Variants in UIMC1 observed in about 807,000 individuals in gnomAD.
The protein encoded by UIMC1 is BRCA1-A complex subunit RAP80.
UIMC1 carries 42 observed loss-of-function variants against 84.9 expected under a neutral mutation model. The ratio of observed to expected loss-of-function variants is 0.49; its 90% CI spans 0.39 to 0.64. The LOEUF is 0.64. Ranked by LOEUF, UIMC1 falls within the 30% of genes least tolerant of loss-of-function variation. The pLI is 0.00. For missense variants in UIMC1, 825 were observed against 847.6 expected (o/e 0.97, Z 0.33); for synonymous variants, 281 against 293.0 (o/e 0.96, Z 0.42).
At chr5:177,015,272 A>G (rs1056319165) in intron 1 of UIMC1, among the ~76,000 whole-genome samples, 6 of 152,218 alleles carry the variant, frequency 3.9e-5, no homozygotes, top group Admixed American at 3.9e-4. Context: ...TAAGGAATTT[A>G]CCTAAGATCA....
chr5:176,951,827 A>C lies in UIMC1; in HGVS notation c.1340-250T>G, dbSNP rs552777394. 3.3e-5 allele frequency among the ~76,000 whole-genome samples: 5 copies of C among 152,340 alleles called. No homozygotes were observed. In the East Asian group the frequency reaches 9.6e-4, roughly 29 times the overall value. Reference sequence around the variant, plus strand: ...GTATACCATTTATATACTACCATTTATACCATGTAACCTCTACGATAATCA... The same window carrying C: ...GTATACCATTTATATACTACCATTTCTACCATGTAACCTCTACGATAATCA... On this transcript the variant is annotated intron_variant, in intron 8 of 14. Transcript: ENST00000511320.
At chr5:176,978,846 T>C (rs1171155397) in intron 2 of UIMC1, among the ~76,000 whole-genome samples, 2 of 152,150 alleles carry the variant, frequency 1.3e-5, no homozygotes, top group African/African-American at 2.4e-5. Flanking sequence ...AATTAAAGGA[T>C]AGTTCCTTAA....
chr5:176,978,376 A>C (rs1332785845), intron 2 of UIMC1, among the ~76,000 whole-genome samples: 1 of 152,194 alleles, frequency 6.6e-6, no homozygotes, highest in East Asian at 1.9e-4. Context: ...CTGTCTCAAA[A>C]AAAATAAAAT....
At chr5:177,008,275 C>A (rs574334293), upstream of UIMC1, among the ~76,000 whole-genome samples, 53 of 152,288 alleles carry the variant, frequency 3.5e-4, 1 homozygote, top group Admixed American at 6.5e-4. Context: ...TCCAACTGAT[C>A]CTCCAAAACC....
intron 1 of UIMC1, among the ~76,000 whole-genome samples, chr5:176,985,938 C>T (rs571817651): frequency 1.7e-3 from 252 of 152,240 alleles, no homozygotes; most frequent in Middle Eastern, 6.8e-3. Context: ...TTTCTCCTTT[C>T]GACAAGGAGC....
Position 176,927,212 on chromosome 5 carries a change from A to AG in UIMC1, c.1598-15824_1598-15823insC, listed in dbSNP as rs1420709288. ...ACACCATTTCTTTAAAAAAGAAAAA[A>AG]AAAAAAAAAAAAAGCACCAGTAGTG... On this transcript the variant is annotated intron_variant, in intron 10 of 14. Coordinates refer to ENST00000511320, the MANE Select transcript of UIMC1 (RefSeq NM_001199298.2). Among the ~76,000 whole-genome samples the AG allele has an allele frequency of 9.8e-3, 1,311 of 133,990 alleles. 6 individuals carry two copies. Among genetic ancestry groups the AG allele is most frequent in the South Asian group, 0.027 (112 of 4,172 alleles). The allele number at this position is 133,990 out of a possible 152,430, so 87.9% of individuals were successfully genotyped here.
chr5:176,945,194 G>C (rs1230618452), intron 9 of UIMC1, among the ~76,000 whole-genome samples: 1 of 152,182 alleles, frequency 6.6e-6, no homozygotes, highest in Non-Finnish European at 1.5e-5. Flanking sequence ...CTACAAGGTG[G>C]GGAAAGTCAA....
intron 3 of UIMC1, among the ~76,000 whole-genome samples, chr5:176,975,029 T>C (rs1465336532): frequency 6.6e-6 from 1 of 151,602 alleles, no homozygotes; most frequent in East Asian, 1.9e-4. Flanking sequence ...GGGGCATAGT[T>C]GGGAAGCTGA....
chr5:176,956,122 C>G, intron 7 of UIMC1, 87 bp from the exon 8 acceptor site: 1 of 1,207,770 alleles, frequency 8.3e-7, no homozygotes, highest in Non-Finnish European at 1.2e-6. Flanking sequence ...CTCACAAAGC[C>G]ACAGGTAATC....
intron 10 of UIMC1, among the ~76,000 whole-genome samples, chr5:176,924,036 G>A (rs569829145): frequency 2.0e-5 from 3 of 151,826 alleles, no homozygotes; most frequent in South Asian, 4.2e-4. Context: ...ACCACAATCT[G>A]GCCGGGCACG....
At chr5:176,956,212 T>C (rs1241795091) in intron 7 of UIMC1, among the ~76,000 whole-genome samples, 177 bp from the exon 8 acceptor site, 14 of 152,136 alleles carry the variant, frequency 9.2e-5, no homozygotes, top group African/African-American at 9.7e-5. Flanking sequence ...ACCAGAAATA[T>C]GGAAAATAAA....
At chr5:176,906,980 G>A in intron 13 of UIMC1, 134 bp downstream of exon 13, 2 of 787,160 alleles carry the variant, frequency 2.5e-6, no homozygotes, top group Non-Finnish European at 4.1e-6. Flanking sequence ...GACCTAGATT[G>A]AGTCTCAAAG....
At chr5:176,974,796 A>C (rs1769804044) in intron 3 of UIMC1, among the ~76,000 whole-genome samples, 1 of 151,970 alleles carries the variant, frequency 6.6e-6, no homozygotes, top group African/African-American at 2.4e-5. Flanking sequence ...CGGGTGACAG[A>C]GCACGATGCT....
chr5:176,911,112 GAAGAAAAGAAAAGAA>G (rs35830185), intron 11 of UIMC1, among the ~76,000 whole-genome samples, 184 bp downstream of exon 11: 7,456 of 116,694 alleles, frequency 0.064, 353 homozygotes, highest in Middle Eastern at 0.15. Flanking sequence ...GAGAGAGAGA[GAAGAAAAGAAAAGAA>G]AAGAAAAGAA....
intron 10 of UIMC1, among the ~76,000 whole-genome samples, chr5:176,916,296 C>G (rs1238941718): frequency 2.0e-5 from 3 of 152,180 alleles, no homozygotes; most frequent in Admixed American, 2.0e-4. Context: ...TAGAAGAGAA[C>G]AGGTATCACT....
intron 1 of UIMC1, among the ~76,000 whole-genome samples, chr5:176,991,698 C>T (rs571645861): frequency 6.6e-6 from 1 of 150,394 alleles, no homozygotes; most frequent in South Asian, 2.1e-4. Flanking sequence ...TTTGAGAGGC[C>T]GAGGCGGGCA....
intron 2 of UIMC1, among the ~76,000 whole-genome samples, chr5:176,979,067 A>T (rs1302159090): frequency 1.3e-5 from 2 of 152,194 alleles, no homozygotes. Flanking sequence ...TCAACTGAAC[A>T]ATTATAAAAA....
chr5:176,995,843 C>CAAA (rs34672103), intron 1 of UIMC1, among the ~76,000 whole-genome samples: 6 of 79,608 alleles, frequency 7.5e-5, no homozygotes, highest in Non-Finnish European at 1.2e-4. Context: ...AACTCCATCT[C>CAAA]AAAAAAAAAA....
chr5:177,001,065 C>T lies in UIMC1; in HGVS notation c.-9+5585G>A, dbSNP rs115848929. On this transcript the variant is annotated intron_variant, in intron 1 of 14. Coordinates refer to ENST00000511320, the MANE Select transcript of UIMC1 (RefSeq NM_001199298.2). ...GGTTGCCTGTGGTTATGGGATATTACTCAAGAAGTTTTTGCCCAGACCAAT... is the reference window on the plus strand; with the variant it reads ...GGTTGCCTGTGGTTATGGGATATTATTCAAGAAGTTTTTGCCCAGACCAAT... 2.6e-3 allele frequency among the ~76,000 whole-genome samples: 402 copies of T among 152,260 alleles called. 1 individual carries two copies. The highest frequency in any genetic ancestry group is 4.8e-3 in the Non-Finnish European group (328 of 68,028).
Sources: allele counts gnomAD v4.1 joint callset (sites outside exome capture counted in the v4.1 genomes callset), GRCh38; gene constraint gnomAD v4.1.1; transcripts MANE v1.5; gene names NCBI Gene and HGNC (gene_info 2026-07-23, HGNC 2026-07-21).